The following EFR3B variants were observed in gnomAD, a reference collection of about 807,000 sequenced individuals.
EFR3B encodes the protein EFR3 homolog B, also known as protein EFR3 homolog B.
A neutral mutation model predicts 104.7 loss-of-function variants in EFR3B; 64 were observed. That is an observed-to-expected ratio of 0.61 (90% CI 0.50 to 0.75). EFR3B has a LOEUF of 0.75. Ranked by LOEUF, EFR3B falls within the 30% of genes least tolerant of loss-of-function variation. The pLI is 0.00. For synonymous variants in EFR3B, 385 were observed against 417.9 expected, an observed-to-expected ratio of 0.92 and a Z score of 0.96; for missense variants, 750 against 1,078.5, an observed-to-expected ratio of 0.70 and a Z score of 4.27.
intron 5 of EFR3B, among the ~76,000 whole-genome samples, chr2:25,122,248 G>A (rs1489139262): frequency 6.6e-6 from 1 of 152,052 alleles, no homozygotes; most frequent in Non-Finnish European, 1.5e-5. Flanking sequence ...ATTACAGGCG[G>A]GAGCCACTAC....
rs1351321007 is a variant in EFR3B at position 25,154,644 on chromosome 2, CTGAGAAGCTCCTACTTGGTGTTT to C, written c.*309_*331del. On this transcript the variant is annotated 3_prime_UTR_variant, in exon 23 of 23. Transcript: ENST00000403714. This position sits in a 1 kb window ranked among gnomAD's most constrained non-coding sequence, Gnocchi z 4.1. ...CTCAGGAGAAGCCGGGGGGAGGGGG[CTGAGAAGCTCCTACTTGGTGTTT>C]TGAGTGAAGGGCATGTCCTCCCCAG... 6.2e-6 allele frequency: 2 copies of C among 321,758 alleles called. No individual in the cohort carries two copies. The highest frequency in any genetic ancestry group is 1.1e-5 in the Non-Finnish European group (2 of 177,200). 19.9% of individuals were successfully genotyped at this position (321,758 alleles called of 1,614,324 possible).
chr2:25,153,877 C>T, intron 22 of EFR3B, 116 bp downstream of exon 22: 3 of 1,080,740 alleles, frequency 2.8e-6, no homozygotes, highest in Non-Finnish European at 4.1e-6. Flanking sequence ...CCTTCTACCA[C>T]TGTAATCTCT....
chr2:25,056,279 C>T (rs1475365377), intron 1 of EFR3B, among the ~76,000 whole-genome samples: 2 of 152,182 alleles, frequency 1.3e-5, no homozygotes, highest in Non-Finnish European at 2.9e-5. Context: ...GGCCTTCCTG[C>T]TGAAACGGTT....
At position 25,151,940 on chromosome 2, in the gene EFR3B, G is replaced by A. The variant is rs1671020291; in HGVS notation, c.2218G>A (p.Glu740Lys). The change falls in exon 21 of 23, where the codon GAG becomes AAG. Residue 740 changes from glutamate to lysine, a missense_variant. Coordinates refer to ENST00000403714, the MANE Select transcript of EFR3B (RefSeq NM_014971.2). ...IVDSVAVEEQERERRRQVVEK... is the reference protein window; with the variant it reads ...IVDSVAVEEQKRERRRQVVEK... ...GGACAGCGTAGCAGTGGAGGAGCAGGAGCGTGAGCGGCGGCGGCAGGTGGT... is the reference window on the plus strand; with the variant it reads ...GGACAGCGTAGCAGTGGAGGAGCAGAAGCGTGAGCGGCGGCGGCAGGTGGT... The A allele has an allele frequency of 1.3e-6, 2 of 1,551,778 alleles. No homozygotes were observed. The highest frequency in any genetic ancestry group is 1.7e-6 in the Non-Finnish European group (2 of 1,147,024).
chr2:25,087,500 G>T lies in EFR3B; in HGVS notation c.8-3825G>T, dbSNP rs184507573. Reference sequence around the variant, plus strand: ...GAGCAGGATTTTTTTTTTTTTTTGAGCTGGAGTCTCGCTCTGTTGCTGAGG... The same window carrying T: ...GAGCAGGATTTTTTTTTTTTTTTGATCTGGAGTCTCGCTCTGTTGCTGAGG... On this transcript the variant is annotated intron_variant, in intron 1 of 22. Transcript: ENST00000403714. Among the ~76,000 whole-genome samples, 407 of 141,130 alleles carry T rather than the reference G, an allele frequency of 2.9e-3. 4 individuals are homozygous for T. Among genetic ancestry groups the T allele is most frequent in the African/African-American group, 0.011 (392 of 36,398 alleles). 92.6% of individuals were successfully genotyped at this position (141,130 alleles called of 152,430 possible).
intron 19 of EFR3B, 40 bp from the exon 20 acceptor site, chr2:25,149,654 C>A: frequency 1.3e-6 from 2 of 1,547,040 alleles, no homozygotes; most frequent in East Asian, 2.4e-5. Flanking sequence ...CCTTTCTCTG[C>A]CCCCTGCCTT....
intron 4 of EFR3B, among the ~76,000 whole-genome samples, chr2:25,104,202 A>C (rs1029339698): frequency 7.2e-5 from 11 of 151,786 alleles, no homozygotes; most frequent in African/African-American, 2.2e-4. Context: ...ACAAAAAAAA[A>C]CAAAAACAAA....
intron 1 of EFR3B, among the ~76,000 whole-genome samples, chr2:25,087,482 AT>A (rs1191959079): frequency 2.2e-3 from 301 of 139,744 alleles, no homozygotes; most frequent in Middle Eastern, 0.011. Flanking sequence ...GAAGAGCAGG[AT>A]TTTTTTTTTT....
At chr2:25,080,420 G>C in intron 1 of EFR3B, 1 of 516,816 alleles carries the variant, frequency 1.9e-6, no homozygotes, top group Non-Finnish European at 3.4e-6. Context: ...TCAGCCTCCT[G>C]AGTAGCTGGG....
intron 1 of EFR3B, among the ~76,000 whole-genome samples, chr2:25,069,570 G>A (rs1366697571): frequency 1.3e-5 from 2 of 152,224 alleles, no homozygotes. Flanking sequence ...CTCCTGCAGG[G>A]CAGGGCTACC....
intron 18 of EFR3B, 64 bp from the exon 19 acceptor site, chr2:25,144,896 T>C (rs1670772078): frequency 7.0e-7 from 1 of 1,433,336 alleles, no homozygotes; most frequent in South Asian, 1.3e-5. Context: ...GAGGTGGGAC[T>C]AGCAGCTCAG....
At chr2:25,097,777 G>A (rs2149188157) in intron 3 of EFR3B, among the ~76,000 whole-genome samples, 1 of 152,276 alleles carries the variant, frequency 6.6e-6, no homozygotes, top group South Asian at 2.1e-4. Flanking sequence ...TCCAATGCGA[G>A]TAAATCCCCT....
chr2:25,144,789 G>A (rs1670768943), intron 18 of EFR3B, among the ~76,000 whole-genome samples, 171 bp from the exon 19 acceptor site: 1 of 152,158 alleles, frequency 6.6e-6, no homozygotes. Flanking sequence ...GACAGAGAAG[G>A]CCCACAGCAA....
chr2:25,145,853 C>T (rs1670797301), intron 19 of EFR3B: 1 of 152,124 alleles, frequency 6.6e-6, no homozygotes, highest in African/African-American at 2.4e-5. Context: ...TCCATATCCC[C>T]CAGCAGAGTG....
At chr2:25,096,033 T>C (rs1456537814) in intron 3 of EFR3B, among the ~76,000 whole-genome samples, 4 of 151,876 alleles carry the variant, frequency 2.6e-5, no homozygotes, top group Non-Finnish European at 4.4e-5. Context: ...CTTTTTTTTT[T>C]GAGATGGAGT....
chr2:25,066,771 C>G (rs964204173), intron 1 of EFR3B, among the ~76,000 whole-genome samples: 3 of 151,726 alleles, frequency 2.0e-5, no homozygotes, highest in African/African-American at 7.3e-5. Context: ...GTGTTGCATG[C>G]TGTGTGTGTG....
chr2:25,124,738 CAAAAAAA>C (rs34181444), intron 5 of EFR3B, among the ~76,000 whole-genome samples: 4 of 41,792 alleles, frequency 9.6e-5, no homozygotes, highest in Admixed American at 3.8e-4. Context: ...GACTCTGTCT[CAAAAAAA>C]AAAAAAAAAA....
intron 4 of EFR3B, among the ~76,000 whole-genome samples, chr2:25,110,858 G>A (rs1344519213): frequency 6.6e-6 from 1 of 152,132 alleles, no homozygotes; most frequent in Non-Finnish European, 1.5e-5. Flanking sequence ...TCAGAACTTA[G>A]TAAAGACTAT....
rs553826465 is a variant in EFR3B at position 25,120,517 on chromosome 2, A to G, written c.364-1156A>G. Among the ~76,000 whole-genome samples, 4 of 151,326 alleles carry G rather than the reference A, an allele frequency of 2.6e-5. No homozygotes were observed. The South Asian group carries it at 8.3e-4, about 31-fold the overall frequency. ...AAATTAGCTGGGCATGGTGGCACGCATCTGTAGTCCCAGCTACCCAGGAGG... is the reference window on the plus strand; with the variant it reads ...AAATTAGCTGGGCATGGTGGCACGCGTCTGTAGTCCCAGCTACCCAGGAGG... On this transcript the variant is annotated intron_variant, in intron 4 of 22. Transcript: ENST00000403714.
Sources: gnomAD v4.1 joint callset for allele counts (sites outside exome capture counted in the v4.1 genomes callset) on GRCh38, gnomAD v4.1.1 for gene constraint, Gnocchi (gnomAD v3.1) non-coding constraint, MANE v1.5 for transcripts, NCBI Gene and HGNC (gene_info 2026-07-23, HGNC 2026-07-21) for gene names.